ZSCAN20: variants seen among roughly 807,000 people sequenced by gnomAD.
ZSCAN20 encodes the protein zinc finger and SCAN domain containing 20.
In ZSCAN20, 39 loss-of-function variants were observed where a neutral mutation model predicts 97.1. That is an observed-to-expected ratio of 0.40 (90% CI 0.31 to 0.52). The LOEUF is 0.52. Ranked by LOEUF, ZSCAN20 falls within the 20% of genes least tolerant of loss-of-function variation. ZSCAN20 has a pLI of 0.49. For synonymous variants in ZSCAN20, 456 were observed against 467.3 expected (o/e 0.98, Z 0.31); for missense variants, 1,115 against 1,290.4 (o/e 0.86, Z 2.08).
chr1:33,483,416 T>C (rs1180156043), intron 2 of ZSCAN20, among the ~76,000 whole-genome samples: 1 of 152,156 alleles, frequency 6.6e-6, no homozygotes, highest in Non-Finnish European at 1.5e-5. Flanking sequence ...TTTATTCTTT[T>C]GCCAATACCA....
rs142916555 is a variant in ZSCAN20 at position 33,477,908 on chromosome 1, C to T, written c.-110-1271C>T. On this transcript the variant is annotated intron_variant, in intron 1 of 7. Transcript: ENST00000684572. ...GAGGACTGAATCTTGTTTCAGGGTG[C>T]AGGGAAGGCCTTACGGAAAAAGAGC... Among the ~76,000 whole-genome samples, 8 of 151,820 alleles carry T rather than the reference C, an allele frequency of 5.3e-5. No homozygotes were observed. In the East Asian group the frequency reaches 1.2e-3, roughly 22 times the overall value.
chr1:33,477,042 T>C (rs573490448), intron 1 of ZSCAN20, among the ~76,000 whole-genome samples: 1 of 152,340 alleles, frequency 6.6e-6, no homozygotes, highest in Admixed American at 6.5e-5. Context: ...TCAGATATAG[T>C]AACAGGTAAC....
intron 5 of ZSCAN20, 143 bp downstream of exon 5, chr1:33,489,745 GC>G: frequency 1.3e-6 from 1 of 763,768 alleles, no homozygotes; most frequent in Non-Finnish European, 2.1e-6. Context: ...GCCCTTTGTA[GC>G]CAGCACTCTC....
intron 2 of ZSCAN20, among the ~76,000 whole-genome samples, chr1:33,481,592 T>C (rs1652158295): frequency 6.6e-6 from 1 of 152,154 alleles, no homozygotes; most frequent in Non-Finnish European, 1.5e-5. Context: ...AAATGTAGCT[T>C]GTGATCTTAC....
At chr1:33,487,971 C>T (rs1652435418) in intron 2 of ZSCAN20, among the ~76,000 whole-genome samples, 1 of 152,044 alleles carries the variant, frequency 6.6e-6, no homozygotes, top group African/African-American at 2.4e-5. Flanking sequence ...AATTCTTTGT[C>T]CTTTTTAAAA....
Position 33,496,657 on chromosome 1 carries a change from A to G in ZSCAN20, c.*1181A>G, listed in dbSNP as rs1459782436. 1 of 152,072 alleles carries G rather than the reference A, an allele frequency of 6.6e-6. No individual in the cohort carries two copies. The highest frequency in any genetic ancestry group is 2.4e-5 in the African/African-American group (1 of 41,396). 9.4% of individuals were successfully genotyped at this position (152,072 alleles called of 1,614,324 possible). On this transcript the variant is annotated 3_prime_UTR_variant, in exon 8 of 8. Coordinates refer to ENST00000684572, the MANE Select transcript of ZSCAN20 (RefSeq NM_001377376.1). The stretch of plus-strand genomic sequence containing the variant: ...CCTAACAGAAGCCTGGGGTCCCTAC[A>G]TTTTTGTCTGTCTGGCTTTTCCTTT...
rs1652989644 is a variant in ZSCAN20 at position 33,499,508 on chromosome 1, A to T, written c.*4032A>T. Among the ~76,000 whole-genome samples the T allele has an allele frequency of 6.6e-6, 1 of 151,822 alleles. No individual in the cohort carries two copies. The highest frequency in any genetic ancestry group is 1.5e-5 in the Non-Finnish European group (1 of 67,962). ...TCTCAAAGCCCCGGTGTCTACCATC[A>T]CCCATCATGGGGCTCTTGGCCTGCC... On this transcript the variant is annotated 3_prime_UTR_variant, in exon 8 of 8. Transcript: ENST00000684572.
Position 33,496,339 on chromosome 1 carries a change from T to C in ZSCAN20, c.*863T>C, listed in dbSNP as rs1222807374. Reference sequence around the variant, plus strand: ...TGAAATTTCCACATTTTGAATTTTTTAAACAAATATGGAAACTGAGAATCC... The same window carrying C: ...TGAAATTTCCACATTTTGAATTTTTCAAACAAATATGGAAACTGAGAATCC... On this transcript the variant is annotated 3_prime_UTR_variant, in exon 8 of 8. Coordinates refer to ENST00000684572, the MANE Select transcript of ZSCAN20 (RefSeq NM_001377376.1). The C allele has an allele frequency of 6.6e-6, 1 of 152,208 alleles. No individual in the cohort carries two copies. The highest frequency in any genetic ancestry group is 2.4e-5 in the African/African-American group (1 of 41,444). The allele number at this position is 152,208 out of a possible 1,614,324, so 9.4% of individuals were successfully genotyped here.
chr1:33,489,368 T>C (rs776383253), intron 4 of ZSCAN20, 150 bp from the exon 5 acceptor site: 13 of 978,074 alleles, frequency 1.3e-5, no homozygotes, highest in Non-Finnish European at 2.0e-5. Context: ...AACACATGTA[T>C]GTACCAAATG....
At position 33,495,514 on chromosome 1, in the gene ZSCAN20, A is replaced by T; in HGVS notation, c.*38A>T. 6.9e-7 allele frequency: 1 copy of T among 1,448,146 alleles called. No individual in the cohort carries two copies. Among genetic ancestry groups the T allele is most frequent in the African/African-American group, 1.4e-5 (1 of 71,130 alleles). 89.7% of individuals were successfully genotyped at this position (1,448,146 alleles called of 1,614,324 possible). A position where few individuals can be genotyped will look rare whatever the true frequency, so the allele number is the denominator to read the frequency against. ...TCAACAACAAAGGAGGACTCAATGT[A>T]TATATCTTATATCATAAGATGTATG... On this transcript the variant is annotated 3_prime_UTR_variant, in exon 8 of 8. Coordinates refer to ENST00000684572, the MANE Select transcript of ZSCAN20 (RefSeq NM_001377376.1).
chr1:33,489,842 C>T (rs954386864), intron 5 of ZSCAN20, among the ~76,000 whole-genome samples: 3 of 152,150 alleles, frequency 2.0e-5, no homozygotes, highest in Non-Finnish European at 4.4e-5. Flanking sequence ...CCTTCCTTAC[C>T]TCAGTCCATT....
At position 33,495,495 on chromosome 1, in the gene ZSCAN20, A is replaced by G. The variant is rs749595355; in HGVS notation, c.*19A>G. The stretch of plus-strand genomic sequence containing the variant: ...GTCGTAGGGGACAGTTTCCTCAACA[A>G]CAAAGGAGGACTCAATGTATATATC... On this transcript the variant is annotated 3_prime_UTR_variant, in exon 8 of 8. Coordinates refer to ENST00000684572, the MANE Select transcript of ZSCAN20 (RefSeq NM_001377376.1). 7 of 1,497,606 alleles carry G rather than the reference A, an allele frequency of 4.7e-6. No individual in the cohort carries two copies. The highest frequency in any genetic ancestry group is 1.4e-5 in the African/African-American group (1 of 71,670). 92.8% of individuals were successfully genotyped at this position (1,497,606 alleles called of 1,614,324 possible).
chr1:33,480,062 A>G (rs979882658), intron 2 of ZSCAN20, among the ~76,000 whole-genome samples: 5 of 152,196 alleles, frequency 3.3e-5, no homozygotes, highest in African/African-American at 9.7e-5. Context: ...CACTACTCCA[A>G]ACTGCCTCCC....
At chr1:33,494,048 CA>C (rs770258820) in intron 7 of ZSCAN20, among the ~76,000 whole-genome samples, 169 bp from the exon 8 acceptor site, 19 of 152,246 alleles carry the variant, frequency 1.2e-4, no homozygotes, top group Non-Finnish European at 2.2e-4. Flanking sequence ...TTGTGTGTAC[CA>C]AAACTTGATC....
chr1:33,473,605 C>T (rs776695660), intron 1 of ZSCAN20, among the ~76,000 whole-genome samples: 1 of 152,162 alleles, frequency 6.6e-6, no homozygotes, highest in Non-Finnish European at 1.5e-5. Context: ...ATTATATATG[C>T]TGTTCTCTCA....
rs999458704 is a variant in ZSCAN20 at position 33,501,486 on chromosome 1, T to A, written c.*6010T>A. Among the ~76,000 whole-genome samples, 1 of 151,976 alleles carries A rather than the reference T, an allele frequency of 6.6e-6. No homozygotes were observed. Among genetic ancestry groups the A allele is most frequent in the Non-Finnish European group, 1.5e-5 (1 of 68,000 alleles). On this transcript the variant is annotated 3_prime_UTR_variant, in exon 8 of 8. Transcript: ENST00000684572. ...TTTTGTTTTGCAATTTGTGGACCAATCCCTGGCTTCATTTTATTTGGCTTT... is the reference window on the plus strand; with the variant it reads ...TTTTGTTTTGCAATTTGTGGACCAAACCCTGGCTTCATTTTATTTGGCTTT...
rs1652995842 is a variant in ZSCAN20, at chr1:33,499,672, GT to G, written c.*4198del. ...TTTCTCCCTTCTAAGAGCATTTCCA[GT>G]TGGGCTGGAGTTACCCAGCTGCCTG... On this transcript the variant is annotated 3_prime_UTR_variant, in exon 8 of 8. Transcript: ENST00000684572. Among the ~76,000 whole-genome samples the G allele has an allele frequency of 6.6e-6, 1 of 152,206 alleles. No homozygotes were observed. Among genetic ancestry groups the G allele is most frequent in the Non-Finnish European group, 1.5e-5 (1 of 68,036 alleles).
Position 33,495,492 on chromosome 1 carries a change from A to G in ZSCAN20, c.*16A>G, listed in dbSNP as rs778011802. On this transcript the variant is annotated 3_prime_UTR_variant, in exon 8 of 8. Coordinates refer to ENST00000684572, the MANE Select transcript of ZSCAN20 (RefSeq NM_001377376.1). ...GGCGTCGTAGGGGACAGTTTCCTCA[A>G]CAACAAAGGAGGACTCAATGTATAT... 1.3e-6 allele frequency: 2 copies of G among 1,499,458 alleles called. No homozygotes were observed. The highest frequency in any genetic ancestry group is 1.8e-6 in the Non-Finnish European group (2 of 1,123,496). The allele number at this position is 1,499,458 out of a possible 1,614,324, so 92.9% of individuals were successfully genotyped here. A position where few individuals can be genotyped will look rare whatever the true frequency, so the allele number is the denominator to read the frequency against.
rs1020999681 is a variant in ZSCAN20, at chr1:33,496,264, A to G, written c.*788A>G. 2 of 152,196 alleles carry G rather than the reference A, an allele frequency of 1.3e-5. No individual in the cohort carries two copies. The highest frequency in any genetic ancestry group is 4.8e-5 in the African/African-American group (2 of 41,460). The allele number at this position is 152,196 out of a possible 1,614,324, so 9.4% of individuals were successfully genotyped here. Reference sequence around the variant, plus strand: ...TACTGAATTCCCATTCATGTTAGGTAACTTAGGGGCCAGAATCTCCATGCA... The same window carrying G: ...TACTGAATTCCCATTCATGTTAGGTGACTTAGGGGCCAGAATCTCCATGCA... On this transcript the variant is annotated 3_prime_UTR_variant, in exon 8 of 8. Transcript: ENST00000684572.
Sources: gnomAD v4.1 joint callset for allele counts (sites outside exome capture counted in the v4.1 genomes callset) on GRCh38, gnomAD v4.1.1 for gene constraint, MANE v1.5 for transcripts, NCBI Gene and HGNC (gene_info 2026-07-23, HGNC 2026-07-21) for gene names.